LRRTM4: variants seen among roughly 807,000 people sequenced by gnomAD.
LRRTM4 encodes leucine-rich repeat transmembrane neuronal protein 4.
In LRRTM4, 25 loss-of-function variants were observed where a neutral mutation model predicts 47.6. The ratio of observed to expected loss-of-function variants is 0.53; its 90% confidence interval spans 0.38 to 0.73. The LOEUF (loss-of-function observed/expected upper bound fraction) is 0.73. Among genes scored for constraint, LRRTM4 ranks in the 30% least tolerant of loss-of-function variants. The pLI is 0.00. For synonymous variants in LRRTM4, 311 were observed against 269.5 expected, an observed-to-expected ratio of 1.15 and a Z score of -1.51; for missense variants, 638 against 713.4, an observed-to-expected ratio of 0.89 and a Z score of 1.20.
chr2:77,040,013 C>G (rs574408783), intron 3 of LRRTM4, among the ~76,000 whole-genome samples: 19 of 151,140 alleles, frequency 1.3e-4, no homozygotes, highest in African/African-American at 4.6e-4. Context: ...GTATTTGTTA[C>G]ATATTGGCTA....
chr2:76,906,992 C>T (rs1298603575), intron 3 of LRRTM4, among the ~76,000 whole-genome samples: 1 of 152,048 alleles, frequency 6.6e-6, no homozygotes, highest in Non-Finnish European at 1.5e-5. Context: ...CTGCACCAAG[C>T]AGAATAGACA....
intron 3 of LRRTM4, among the ~76,000 whole-genome samples, chr2:77,474,759 A>G (rs776994793): frequency 4.6e-4 from 70 of 152,180 alleles, no homozygotes; most frequent in Non-Finnish European, 5.7e-4. Context: ...TGCAGCAGTG[A>G]TTACCTTTGA....
At chr2:77,228,189 A>T (rs938101098) in intron 3 of LRRTM4, among the ~76,000 whole-genome samples, 4 of 152,146 alleles carry the variant, frequency 2.6e-5, no homozygotes, top group African/African-American at 9.7e-5. Flanking sequence ...GAATTAAGAT[A>T]TTATTATTTG....
At chr2:76,749,650 A>G (rs567355322) in intron 3 of LRRTM4, among the ~76,000 whole-genome samples, 269 of 152,308 alleles carry the variant, frequency 1.8e-3, no homozygotes, top group Middle Eastern at 6.8e-3. Flanking sequence ...TGTTAGCGTA[A>G]CAGACCTGAA....
chr2:76,809,800 T>A (rs897807380), intron 3 of LRRTM4, among the ~76,000 whole-genome samples: 30 of 152,186 alleles, frequency 2.0e-4, no homozygotes, highest in African/African-American at 7.2e-4. Flanking sequence ...CAGCCACAGT[T>A]ACTTGCTTAA....
chr2:77,274,254 G>T (rs1485656058), intron 3 of LRRTM4, among the ~76,000 whole-genome samples: 2 of 152,010 alleles, frequency 1.3e-5, no homozygotes, highest in Non-Finnish European at 2.9e-5. Context: ...TCACGAAAAG[G>T]TTAATGAGCA....
At chr2:77,431,804 G>A (rs909633363) in intron 3 of LRRTM4, among the ~76,000 whole-genome samples, 17 of 149,060 alleles carry the variant, frequency 1.1e-4, no homozygotes, top group South Asian at 2.1e-4. Context: ...GGCCAGGCAC[G>A]GTAGCTCATA....
intron 3 of LRRTM4, among the ~76,000 whole-genome samples, chr2:77,306,562 T>C (rs1228831845): frequency 2.0e-5 from 3 of 152,204 alleles, no homozygotes; most frequent in Non-Finnish European, 2.9e-5. Context: ...TTATAAATCC[T>C]TAATATCGCT....
chr2:77,083,936 C>T (rs551825873), intron 3 of LRRTM4, among the ~76,000 whole-genome samples: 1 of 151,220 alleles, frequency 6.6e-6, no homozygotes, highest in East Asian at 2.0e-4. Flanking sequence ...TCCCGAGTAG[C>T]TGGGACTACA....
chr2:76,967,254 C>T (rs1676058043), intron 3 of LRRTM4, among the ~76,000 whole-genome samples: 1 of 150,724 alleles, frequency 6.6e-6, no homozygotes, highest in South Asian at 2.1e-4. Flanking sequence ...CCCTGAGTTT[C>T]ATGCTCAATC....
At chr2:77,057,510 G>C (rs1388397777) in intron 3 of LRRTM4, among the ~76,000 whole-genome samples, 1 of 152,162 alleles carries the variant, frequency 6.6e-6, no homozygotes, top group Non-Finnish European at 1.5e-5. Context: ...AAATCATAGT[G>C]CAGCAGTGGT....
At chr2:76,956,285 G>C (rs928981932) in intron 3 of LRRTM4, among the ~76,000 whole-genome samples, 4 of 151,266 alleles carry the variant, frequency 2.6e-5, no homozygotes, top group Non-Finnish European at 5.9e-5. Flanking sequence ...GAAATTAATA[G>C]CAGAATAAAA....
intron 3 of LRRTM4, among the ~76,000 whole-genome samples, chr2:77,410,900 G>T (rs10204815): frequency 0.049 from 7,440 of 152,062 alleles, 388 homozygotes; most frequent in East Asian, 0.24. Flanking sequence ...AACTATCTTG[G>T]GCTCAATTCC....
intron 3 of LRRTM4, among the ~76,000 whole-genome samples, chr2:77,003,193 G>A (rs1677499433): frequency 6.6e-6 from 1 of 151,644 alleles, no homozygotes; most frequent in East Asian, 1.9e-4. Context: ...TTTTCTTCCT[G>A]TTGATAGAAT....
At chr2:76,819,822 AG>A (rs1197828290) in intron 3 of LRRTM4, among the ~76,000 whole-genome samples, 1 of 151,940 alleles carries the variant, frequency 6.6e-6, no homozygotes, top group Non-Finnish European at 1.5e-5. Context: ...TCCTTCCTCA[AG>A]TTTTAACAGC....
intron 3 of LRRTM4, among the ~76,000 whole-genome samples, chr2:77,242,889 T>C (rs780666198): frequency 1.3e-5 from 2 of 152,134 alleles, no homozygotes; most frequent in African/African-American, 4.8e-5. Flanking sequence ...TACAAGTAAC[T>C]GTTAGAGTGG....
intron 3 of LRRTM4, among the ~76,000 whole-genome samples, chr2:77,430,032 C>T (rs1278558907): frequency 6.6e-6 from 1 of 152,010 alleles, no homozygotes; most frequent in Admixed American, 6.6e-5. Flanking sequence ...TGCCACTGCA[C>T]TCCAGCAGCC....
chr2:77,014,585 G>T (rs1303282555), intron 3 of LRRTM4, among the ~76,000 whole-genome samples: 1 of 151,600 alleles, frequency 6.6e-6, no homozygotes, highest in Non-Finnish European at 1.5e-5. Flanking sequence ...GCTGAGGTAG[G>T]CAGATCGCCT....
chr2:76,852,008 T>TTA (rs1672012311), intron 3 of LRRTM4, among the ~76,000 whole-genome samples: 1 of 152,110 alleles, frequency 6.6e-6, no homozygotes, highest in Admixed American at 6.6e-5. Context: ...TGCATGTACA[T>TTA]TAAAGACTCA....
Sources: gnomAD v4.1 joint callset for allele counts (sites outside exome capture counted in the v4.1 genomes callset) on GRCh38, gnomAD v4.1.1 for gene constraint, MANE v1.5 for transcripts, NCBI Gene and HGNC (gene_info 2026-07-23, HGNC 2026-07-21) for gene names.